The following UVRAG variants were observed in gnomAD, a reference collection of about 807,000 sequenced individuals.
UVRAG encodes the protein UV radiation resistance associated, also known as UV radiation resistance-associated gene protein.
In UVRAG, 19 loss-of-function variants were observed where a neutral mutation model predicts 78.0. That is an observed-to-expected ratio of 0.24 (90% CI 0.17 to 0.36). The LOEUF (loss-of-function observed/expected upper bound fraction) is 0.36. Among genes scored for constraint, UVRAG ranks in the 10% least tolerant of loss-of-function variants. The pLI is 1.00. For synonymous variants in UVRAG, 323 were observed against 324.6 expected, an observed-to-expected ratio of 1.00 and a Z score of 0.05; for missense variants, 740 against 853.8, an observed-to-expected ratio of 0.87 and a Z score of 1.66.
At chr11:76,003,808 A>T (rs1165375744) in intron 8 of UVRAG, among the ~76,000 whole-genome samples, 197 bp from the exon 9 acceptor site, 1 of 152,150 alleles carries the variant, frequency 6.6e-6, no homozygotes, top group Non-Finnish European at 1.5e-5. Context: ...CTTCTGCCAG[A>T]GGCTGGACTT....
intron 2 of UVRAG, among the ~76,000 whole-genome samples, chr11:75,858,033 C>T (rs1421026296): frequency 6.6e-6 from 1 of 152,102 alleles, no homozygotes; most frequent in Non-Finnish European, 1.5e-5. Flanking sequence ...CAGAGATTTT[C>T]AGGTCACTTT....
chr11:76,092,896 A>G (rs1349352597), intron 13 of UVRAG, among the ~76,000 whole-genome samples: 2 of 152,200 alleles, frequency 1.3e-5, no homozygotes, highest in Non-Finnish European at 2.9e-5. Flanking sequence ...TGTTTTAGAC[A>G]TGAAGTCCTT....
intron 12 of UVRAG, among the ~76,000 whole-genome samples, chr11:76,063,587 A>G (rs1365617714): frequency 1.3e-5 from 2 of 152,220 alleles, no homozygotes; most frequent in South Asian, 2.1e-4. Context: ...TGAATTTTCA[A>G]TGTGGAAATT....
rs1263563553 is a variant in UVRAG, at chr11:75,836,530, C to T, written c.118-15353C>T. 3.3e-5 allele frequency among the ~76,000 whole-genome samples: 5 copies of T among 152,172 alleles called. No individual in the cohort carries two copies. In the East Asian group the frequency reaches 9.6e-4, roughly 29 times the overall value. Reference sequence around the variant, plus strand: ...TTCAAACTTCCCATGTTCTCACCCCCATTTCTTATTGGCCATCTAGATCCA... The same window carrying T: ...TTCAAACTTCCCATGTTCTCACCCCTATTTCTTATTGGCCATCTAGATCCA... On this transcript the variant is annotated intron_variant, in intron 1 of 14. Transcript: ENST00000356136.
intron 6 of UVRAG, among the ~76,000 whole-genome samples, chr11:75,922,944 A>G (rs1304953637): frequency 6.7e-6 from 1 of 148,698 alleles, no homozygotes; most frequent in East Asian, 1.9e-4. Context: ...AAAGGAAAAA[A>G]AAAAAAAGAA....
At chr11:75,924,597 C>A (rs914670357) in intron 6 of UVRAG, among the ~76,000 whole-genome samples, 16 of 151,956 alleles carry the variant, frequency 1.1e-4, no homozygotes, top group African/African-American at 3.9e-4. Flanking sequence ...ACCGTGTTAG[C>A]CAGGATGGTC....
At chr11:75,924,602 A>G (rs576618852) in intron 6 of UVRAG, among the ~76,000 whole-genome samples, 6 of 151,918 alleles carry the variant, frequency 3.9e-5, no homozygotes, top group African/African-American at 1.4e-4. Context: ...GTTAGCCAGG[A>G]TGGTCTTGAT....
At chr11:76,128,465 C>T (rs1952453189) in intron 14 of UVRAG, among the ~76,000 whole-genome samples, 1 of 152,158 alleles carries the variant, frequency 6.6e-6, no homozygotes, top group African/African-American at 2.4e-5. Context: ...AATAAGTATC[C>T]TTCTGGATCG....
intron 13 of UVRAG, among the ~76,000 whole-genome samples, chr11:76,112,229 C>A (rs933672872): frequency 1.3e-5 from 2 of 152,102 alleles, no homozygotes; most frequent in Admixed American, 6.5e-5. Context: ...GGATCAGGAA[C>A]CAGCATGTTA....
At chr11:75,919,720 A>G (rs1280869683) in intron 6 of UVRAG, among the ~76,000 whole-genome samples, 2 of 152,178 alleles carry the variant, frequency 1.3e-5, no homozygotes, top group African/African-American at 4.8e-5. Flanking sequence ...CACGAGAATT[A>G]TGAGTGCACT....
intron 14 of UVRAG, among the ~76,000 whole-genome samples, chr11:76,120,886 G>A (rs1219804637): frequency 6.6e-6 from 1 of 152,160 alleles, no homozygotes; most frequent in Non-Finnish European, 1.5e-5. Flanking sequence ...AGGGCAAAGG[G>A]TAAAAAAACT....
In UVRAG at chr11:75,866,897, T is replaced by C. The variant is rs375063104; in HGVS notation, c.270+5117T>C. On this transcript the variant is annotated intron_variant, in intron 3 of 14. Coordinates refer to ENST00000356136, the MANE Select transcript of UVRAG (RefSeq NM_003369.4). ...TAAACTGAACATAAGGCCTGAGCAA[T>C]AGTCTTATGAGTTGTGATTCAATTT... 1.2e-3 allele frequency among the ~76,000 whole-genome samples: 183 copies of C among 152,324 alleles called. 1 individual carries two copies. Among genetic ancestry groups the C allele is most frequent in the African/African-American group, 4.2e-3 (173 of 41,576 alleles).
chr11:75,968,838 A>AT (rs747981908), intron 7 of UVRAG, among the ~76,000 whole-genome samples: 52 of 152,262 alleles, frequency 3.4e-4, no homozygotes, highest in Non-Finnish European at 5.9e-4. Context: ...CTTCCTAAAG[A>AT]TTTTACCTAT....
intron 2 of UVRAG, among the ~76,000 whole-genome samples, chr11:75,855,635 C>A (rs1946273265): frequency 6.6e-6 from 1 of 152,184 alleles, no homozygotes; most frequent in Admixed American, 6.5e-5. Flanking sequence ...TATAGAACAA[C>A]CATCATAAGA....
chr11:76,114,034 C>G (rs765304006), intron 13 of UVRAG, among the ~76,000 whole-genome samples: 2 of 151,966 alleles, frequency 1.3e-5, no homozygotes, highest in Non-Finnish European at 2.9e-5. Context: ...TGTCTGTGTA[C>G]TCACTCGGAG....
At chr11:75,836,606 A>T (rs1299363135) in intron 1 of UVRAG, among the ~76,000 whole-genome samples, 1 of 152,028 alleles carries the variant, frequency 6.6e-6, no homozygotes. Context: ...TTTTCCACCC[A>T]CTTCATTCAC....
At chr11:75,944,821 A>G (rs1412925041) in intron 6 of UVRAG, among the ~76,000 whole-genome samples, 1 of 152,156 alleles carries the variant, frequency 6.6e-6, no homozygotes, top group Non-Finnish European at 1.5e-5. Context: ...TGTGAAAAGA[A>G]TATAGTCTTA....
intron 3 of UVRAG, among the ~76,000 whole-genome samples, chr11:75,875,208 T>A (rs181895042): frequency 6.6e-6 from 1 of 152,330 alleles, no homozygotes; most frequent in Non-Finnish European, 1.5e-5. Context: ...TACCATTTAT[T>A]TGCTATTCAT....
intron 1 of UVRAG, chr11:75,837,616 G>A (rs1945814649): frequency 6.6e-6 from 1 of 152,006 alleles, no homozygotes; most frequent in African/African-American, 2.4e-5. Context: ...TGATCAACTA[G>A]TTGTGAACAC....
Sources: allele counts gnomAD v4.1 joint callset (sites outside exome capture counted in the v4.1 genomes callset), GRCh38; gene constraint gnomAD v4.1.1; transcripts MANE v1.5; gene names NCBI Gene and HGNC (gene_info 2026-07-23, HGNC 2026-07-21).